The following OPHN1 variants were observed in gnomAD, a reference collection of about 807,000 sequenced individuals.
The protein encoded by OPHN1 is oligophrenin-1.
A neutral mutation model predicts 60.7 loss-of-function variants in OPHN1; 11 were observed. The ratio of observed to expected loss-of-function variants is 0.18; its 90% CI spans 0.11 to 0.30. OPHN1 has a LOEUF of 0.30. Ranked by LOEUF, OPHN1 falls within the 10% of genes least tolerant of loss-of-function variation. The pLI, the probability that OPHN1 is intolerant of heterozygous loss-of-function variation, is 1.00. For synonymous variants in OPHN1, 226 were observed against 222.6 expected, an observed-to-expected ratio of 1.02 and a Z score of -0.14; for missense variants, 449 against 611.0, an observed-to-expected ratio of 0.73 and a Z score of 2.80.
intron 2 of OPHN1, among the ~76,000 whole-genome samples, chrX:68,416,067 TAGAG>T (rs1171250178): frequency 0.019 from 155 of 8,218 alleles, no homozygotes; most frequent in Admixed American, 0.065. Flanking sequence ...TATATATATA[TAGAG>T]AGAGAGAGAG....
At chrX:68,281,710 C>T (rs1246122051) in intron 4 of OPHN1, among the ~76,000 whole-genome samples, 1 of 112,267 alleles carries the variant, frequency 8.9e-6, no homozygotes, top group Non-Finnish European at 1.9e-5. Context: ...ACAAAGAACT[C>T]TTAAAACTTA....
At chrX:68,264,818 C>G (rs1353300618) in intron 5 of OPHN1, among the ~76,000 whole-genome samples, 1 of 112,181 alleles carries the variant, frequency 8.9e-6, no homozygotes, top group Non-Finnish European at 1.9e-5. Context: ...AAAATCGGGT[C>G]ACTCCCACCC....
At chrX:68,204,217 G>A (rs1017837476) in intron 10 of OPHN1, among the ~76,000 whole-genome samples, 4 of 112,308 alleles carry the variant, frequency 3.6e-5, no homozygotes, top group African/African-American at 9.7e-5. Flanking sequence ...TTCCTAACAG[G>A]GAAGGGATGA....
At chrX:68,139,000 C>T (rs2077231808) in intron 15 of OPHN1, among the ~76,000 whole-genome samples, 2 of 111,743 alleles carry the variant, frequency 1.8e-5, no homozygotes, top group African/African-American at 6.5e-5. Context: ...AAAATTAAAC[C>T]TACAACTGAT....
chrX:68,194,583 C>A, intron 12 of OPHN1, 85 bp from the exon 13 acceptor site: 2 of 817,344 alleles, frequency 2.4e-6, no homozygotes, highest in Non-Finnish European at 1.8e-6. Flanking sequence ...ATATCTTTCC[C>A]CAGATAGGCA....
intron 2 of OPHN1, among the ~76,000 whole-genome samples, chrX:68,374,910 C>T (rs1569295640): frequency 8.9e-6 from 1 of 111,952 alleles, no homozygotes; most frequent in African/African-American, 3.2e-5. Context: ...AACTAACACC[C>T]AGTCAAGATT....
intron 15 of OPHN1, among the ~76,000 whole-genome samples, chrX:68,151,189 G>A (rs1037224098): frequency 1.3e-4 from 15 of 112,012 alleles, no homozygotes; most frequent in Non-Finnish European, 2.4e-4. Context: ...GATTTTGCCC[G>A]CCATATAGTT....
At chrX:68,377,398 C>G (rs961031655) in intron 2 of OPHN1, among the ~76,000 whole-genome samples, 1 of 108,500 alleles carries the variant, frequency 9.2e-6, no homozygotes, top group Non-Finnish European at 1.9e-5. Flanking sequence ...ACCCAGCCTT[C>G]TCTTTTTTTT....
intron 5 of OPHN1, among the ~76,000 whole-genome samples, chrX:68,251,794 T>C (rs2077836731): frequency 9.0e-6 from 1 of 111,186 alleles, no homozygotes; most frequent in African/African-American, 3.3e-5. Flanking sequence ...TCCATCAGAG[T>C]ATCTTTTCTA....
intron 6 of OPHN1, 36 bp from the exon 7 acceptor site, chrX:68,214,008 A>T: frequency 2.4e-6 from 2 of 826,554 alleles, no homozygotes; most frequent in African/African-American, 4.0e-5. Flanking sequence ...ACATATTGGG[A>T]TATTCATTCA....
chrX:68,235,345 G>A (rs1239424343), intron 5 of OPHN1, among the ~76,000 whole-genome samples: 2 of 111,887 alleles, frequency 1.8e-5, no homozygotes, highest in Admixed American at 9.5e-5. Context: ...CATCATGCTG[G>A]AAAATCAATG....
intron 2 of OPHN1, among the ~76,000 whole-genome samples, chrX:68,421,261 T>C (rs1286943754): frequency 9.0e-6 from 1 of 111,417 alleles, no homozygotes; most frequent in African/African-American, 3.3e-5. Flanking sequence ...CTGGTACCCC[T>C]AGCTTTCCCA....
At chrX:68,336,615 C>T (rs1010877549) in intron 2 of OPHN1, among the ~76,000 whole-genome samples, 8 of 109,621 alleles carry the variant, frequency 7.3e-5, no homozygotes, top group African/African-American at 2.0e-4. Context: ...TTCTCTTAAC[C>T]GATGTAAAAG....
At chrX:68,270,322 A>G (rs1389576558) in intron 5 of OPHN1, among the ~76,000 whole-genome samples, 1 of 110,804 alleles carries the variant, frequency 9.0e-6, no homozygotes, top group African/African-American at 3.3e-5. Flanking sequence ...CACAATAGCA[A>G]AGACTTGGAA....
chrX:68,178,947 T>C (rs748209876), intron 15 of OPHN1, among the ~76,000 whole-genome samples: 3 of 111,991 alleles, frequency 2.7e-5, no homozygotes, highest in Non-Finnish European at 5.6e-5. Flanking sequence ...ATTTATACAG[T>C]AAGAAACTGA....
intron 2 of OPHN1, among the ~76,000 whole-genome samples, chrX:68,419,533 T>C (rs1161652801): frequency 1.1e-5 from 1 of 88,464 alleles, no homozygotes; most frequent in East Asian, 4.0e-4. Context: ...CTTAACTCCT[T>C]AACAATTTTT....
intron 5 of OPHN1, among the ~76,000 whole-genome samples, chrX:68,267,781 C>T (rs866764267): frequency 3.7e-4 from 41 of 111,064 alleles, no homozygotes; most frequent in African/African-American, 1.0e-3. Flanking sequence ...ACTGATAGAC[C>T]GCTAGCAAGA....
chrX:68,204,901 A>C, intron 10 of OPHN1, among the ~76,000 whole-genome samples: 1 of 112,095 alleles, frequency 8.9e-6, no homozygotes, highest in Non-Finnish European at 1.9e-5. Context: ...CCTAAATGAA[A>C]TTACTGCCTA....
At chrX:68,337,873 A>AACAATTAT (rs1414191344) in intron 2 of OPHN1, among the ~76,000 whole-genome samples, 1 of 111,268 alleles carries the variant, frequency 9.0e-6, no homozygotes, top group Non-Finnish European at 1.9e-5. Flanking sequence ...AAGAAGATAT[A>AACAATTAT]ACAATTATAA....
Sources: gnomAD v4.1 joint callset for allele counts (sites outside exome capture counted in the v4.1 genomes callset) on GRCh38, gnomAD v4.1.1 for gene constraint, MANE v1.5 for transcripts, NCBI Gene and HGNC (gene_info 2026-07-23, HGNC 2026-07-21) for gene names.